Variants in PPM1B observed in about 807,000 individuals in gnomAD.
PPM1B encodes the protein protein phosphatase, Mg2+/Mn2+ dependent 1B.
Under a neutral mutation model 43.0 loss-of-function variants are expected in PPM1B, and 22 were observed. That is an observed-to-expected ratio of 0.51 (90% CI 0.37 to 0.73). PPM1B has a LOEUF of 0.73. PPM1B is among the 30% of genes least tolerant of loss of function. The pLI is 0.00. For synonymous variants in PPM1B, 217 were observed against 197.9 expected (o/e 1.10, Z -0.81); for missense variants, 632 against 584.2 (o/e 1.08, Z -0.84).
chr2:44,201,052 T>A lies in PPM1B; in HGVS notation c.-14-134T>A. Reference sequence around the variant, plus strand: ...GTAGGGGAGGAAATTTCTTGGGCTTTTGTTGTTGCTCCCGTAAATTAGGAT... The same window carrying A: ...GTAGGGGAGGAAATTTCTTGGGCTTATGTTGTTGCTCCCGTAAATTAGGAT... On this transcript the variant is annotated intron_variant, in intron 1 of 5. Coordinates refer to ENST00000282412, the MANE Select transcript of PPM1B (RefSeq NM_002706.6). This position sits in a 1 kb window ranked among gnomAD's most constrained non-coding sequence, Gnocchi z 5.4. 1 of 939,828 alleles carries A rather than the reference T, an allele frequency of 1.1e-6. No individual in the cohort carries two copies. The allele number at this position is 939,828 out of a possible 1,614,324, so 58.2% of individuals were successfully genotyped here.
At chr2:44,203,367 T>C (rs764327658) in intron 2 of PPM1B, among the ~76,000 whole-genome samples, 1 of 152,112 alleles carries the variant, frequency 6.6e-6, no homozygotes, top group Non-Finnish European at 1.5e-5. Context: ...TATGTATTTG[T>C]CTTTGAACTC....
intron 5 of PPM1B, among the ~76,000 whole-genome samples, chr2:44,219,965 CA>C (rs1462527261): frequency 1.3e-5 from 2 of 151,446 alleles, no homozygotes; most frequent in East Asian, 1.9e-4. Flanking sequence ...AAAATTGACC[CA>C]AAGCTGAGAA....
chr2:44,178,364 A>G (rs1054068370), intron 1 of PPM1B, among the ~76,000 whole-genome samples: 3 of 151,226 alleles, frequency 2.0e-5, no homozygotes, highest in South Asian at 2.1e-4. Context: ...GGCCATCCTT[A>G]TCTTATAGCC....
At chr2:44,225,843 G>A (rs1670184419) in intron 5 of PPM1B, among the ~76,000 whole-genome samples, 1 of 151,566 alleles carries the variant, frequency 6.6e-6, no homozygotes, top group East Asian at 1.9e-4. Flanking sequence ...TTTTAGTTGA[G>A]ATGGGTTTCA....
chr2:44,215,669 C>G (rs371841272), intron 3 of PPM1B, among the ~76,000 whole-genome samples: 37 of 152,102 alleles, frequency 2.4e-4, no homozygotes, highest in African/African-American at 8.9e-4. Flanking sequence ...AGTAGTTCAC[C>G]TGAATTGATG....
intron 3 of PPM1B, among the ~76,000 whole-genome samples, chr2:44,215,788 A>G (rs2104210224): frequency 6.6e-6 from 1 of 152,350 alleles, no homozygotes; most frequent in African/African-American, 2.4e-5. Context: ...TTTGTATTCT[A>G]GTAAAAACCT....
At chr2:44,173,056 C>T (rs1667423404) in intron 1 of PPM1B, among the ~76,000 whole-genome samples, 1 of 152,190 alleles carries the variant, frequency 6.6e-6, no homozygotes, top group East Asian at 1.9e-4. Context: ...GGCTCACGCC[C>T]ATAATCCCAG....
At chr2:44,208,038 G>A (rs570204810) in intron 2 of PPM1B, among the ~76,000 whole-genome samples, 9 of 151,770 alleles carry the variant, frequency 5.9e-5, no homozygotes, top group Non-Finnish European at 1.0e-4. Flanking sequence ...ACAGGTGCGC[G>A]CCACCACGCC....
chr2:44,229,890 G>T, intron 5 of PPM1B: 1 of 1,086,516 alleles, frequency 9.2e-7, no homozygotes, highest in African/African-American at 1.6e-5. Flanking sequence ...ATCAAAATAA[G>T]AGCAAAAAGT....
chr2:44,177,738 T>C (rs1667651304), intron 1 of PPM1B, among the ~76,000 whole-genome samples: 1 of 151,686 alleles, frequency 6.6e-6, no homozygotes, highest in Non-Finnish European at 1.5e-5. Context: ...TATTTCTAAA[T>C]AGCATATAGT....
At chr2:44,170,758 A>G (rs1667298214) in intron 1 of PPM1B, among the ~76,000 whole-genome samples, 1 of 152,372 alleles carries the variant, frequency 6.6e-6, no homozygotes, top group South Asian at 2.1e-4. Context: ...TTCCAAGTGT[A>G]CAGGCCTTTT....
intron 5 of PPM1B, among the ~76,000 whole-genome samples, chr2:44,221,433 C>T (rs969088494): frequency 1.3e-5 from 2 of 152,070 alleles, no homozygotes; most frequent in African/African-American, 4.8e-5. Context: ...CCCACTGTAG[C>T]AAAAAGCTAG....
rs1442243502 is a variant in PPM1B, at chr2:44,201,155, A to G, written c.-14-31A>G. ...TGTACATACATTTTCTGTCAAATTT[A>G]AACATTTAACACCTGCATTTTTTAT... On this transcript the variant is annotated intron_variant, in intron 1 of 5. Transcript: ENST00000282412. The surrounding 1 kb of genome is among the most constrained non-coding windows in gnomAD (Gnocchi z 5.4). 6.5e-7 allele frequency: 1 copy of G among 1,527,556 alleles called. No homozygotes were observed. The highest frequency in any genetic ancestry group is 1.4e-5 in the African/African-American group (1 of 72,386). 94.6% of individuals were successfully genotyped at this position (1,527,556 alleles called of 1,614,324 possible).
downstream of PPM1B, chr2:44,244,404 C>A: frequency 7.7e-7 from 1 of 1,301,356 alleles, no homozygotes; most frequent in South Asian, 1.2e-5. Flanking sequence ...CTGCTGTTAA[C>A]CTTTAATCTT....
chr2:44,243,182 TAG>T (rs1196790591), intron 5 of PPM1B, among the ~76,000 whole-genome samples: 1 of 152,202 alleles, frequency 6.6e-6, no homozygotes, highest in Admixed American at 6.6e-5. Flanking sequence ...GGAGCGGTAC[TAG>T]AGAGAGGGCT....
chr2:44,189,151 T>TTC (rs1465598713), intron 1 of PPM1B, among the ~76,000 whole-genome samples: 2 of 151,694 alleles, frequency 1.3e-5, no homozygotes, highest in African/African-American at 4.8e-5. Flanking sequence ...GGATTACAGG[T>TTC]GTGAGCCACC....
chr2:44,226,731 T>G (rs1006853453), intron 5 of PPM1B, among the ~76,000 whole-genome samples: 70 of 126,308 alleles, frequency 5.5e-4, no homozygotes, highest in African/African-American at 1.9e-3. Context: ...TGGTAGGTTT[T>G]TATCTTTTTT....
chr2:44,169,413 C>T (rs1211068011), intron 1 of PPM1B, 139 bp downstream of exon 1: 2 of 152,428 alleles, frequency 1.3e-5, no homozygotes, highest in African/African-American at 2.4e-5. Flanking sequence ...GCTGCTTTCC[C>T]TGCTGCCGCG....
intron 5 of PPM1B, among the ~76,000 whole-genome samples, chr2:44,219,464 C>T (rs1318580538): frequency 4.0e-5 from 6 of 151,786 alleles, no homozygotes; most frequent in Non-Finnish European, 7.4e-5. Flanking sequence ...TGTTGCACAG[C>T]AATATAATAT....
Sources: gnomAD v4.1 joint callset for allele counts (sites outside exome capture counted in the v4.1 genomes callset) on GRCh38, gnomAD v4.1.1 for gene constraint, Gnocchi (gnomAD v3.1) non-coding constraint, MANE v1.5 for transcripts, NCBI Gene and HGNC (gene_info 2026-07-23, HGNC 2026-07-21) for gene names.